NCAM2: variants seen among roughly 807,000 people sequenced by gnomAD.
NCAM2 encodes the protein N-CAM-2.
In NCAM2, 30 loss-of-function variants were observed where a neutral mutation model predicts 98.1. The observed-to-expected ratio is 0.31, with a 90% CI of 0.23 to 0.41. The LOEUF (loss-of-function observed/expected upper bound fraction) is 0.41. NCAM2 is among the 10% of genes least tolerant of loss of function. The probability of loss-of-function intolerance (pLI) is 1.00; values close to 1 mark genes in which losing one functional copy is unlikely to be tolerated. For synonymous variants in NCAM2, 368 were observed against 342.4 expected (o/e 1.07, Z -0.83); for missense variants, 867 against 1,005.8 (o/e 0.86, Z 1.87).
chr21:21,241,215 A>T (rs1170469129), intron 1 of NCAM2, among the ~76,000 whole-genome samples: 2 of 152,150 alleles, frequency 1.3e-5, no homozygotes, highest in Non-Finnish European at 2.9e-5. Flanking sequence ...AACAATGACA[A>T]CAAAAAAATG....
chr21:21,114,831 T>C (rs78300159), intron 1 of NCAM2, among the ~76,000 whole-genome samples: 1 of 150,104 alleles, frequency 6.7e-6, no homozygotes, highest in East Asian at 2.0e-4. Context: ...TCTGACTTTT[T>C]TTTTTTTTTT....
chr21:21,330,049 TC>T lies in NCAM2; in HGVS notation c.738-5454del, dbSNP rs1451101243. 2.6e-5 allele frequency among the ~76,000 whole-genome samples: 4 copies of T among 152,166 alleles called. No homozygotes were observed. In the East Asian group the frequency reaches 5.8e-4, roughly 22 times the overall value. On this transcript the variant is annotated intron_variant, in intron 6 of 17. Transcript: ENST00000400546. ...GTTATTTGTTCTACTGTCTTTTTTA[TC>T]CTGATTATTCTAGATGTAGGTCTAT...
chr21:21,192,278 A>C (rs115733707), intron 1 of NCAM2, among the ~76,000 whole-genome samples: 1,803 of 152,034 alleles, frequency 0.012, 42 homozygotes, highest in African/African-American at 0.04. Context: ...AGAGGAGAAG[A>C]AGCAAATGAG....
chr21:21,459,651 A>T (rs1176072781), intron 12 of NCAM2, among the ~76,000 whole-genome samples: 1 of 151,300 alleles, frequency 6.6e-6, no homozygotes. Context: ...TTGCTGCATG[A>T]TCTCACTTAT....
chr21:21,352,824 A>G (rs1229565093), intron 8 of NCAM2, among the ~76,000 whole-genome samples: 1 of 133,652 alleles, frequency 7.5e-6, no homozygotes, highest in Non-Finnish European at 1.7e-5. Flanking sequence ...AGATTAGAAA[A>G]TTAAAAAAAA....
intron 1 of NCAM2, among the ~76,000 whole-genome samples, chr21:21,174,105 A>ATACGAGGT (rs778739064): frequency 2.4e-4 from 37 of 152,052 alleles, no homozygotes; most frequent in Non-Finnish European, 3.8e-4. Flanking sequence ...ATTTTAGTAG[A>ATACGAGGT]TACGAGGTTT....
intron 1 of NCAM2, among the ~76,000 whole-genome samples, chr21:21,248,250 A>C (rs1033238607): frequency 3.3e-5 from 5 of 152,092 alleles, no homozygotes; most frequent in African/African-American, 7.2e-5. Flanking sequence ...AAAAAAAAAC[A>C]TACAGTTATA....
intron 14 of NCAM2, among the ~76,000 whole-genome samples, chr21:21,470,078 T>C (rs1479674756): frequency 6.6e-6 from 1 of 152,054 alleles, no homozygotes; most frequent in African/African-American, 2.4e-5. Flanking sequence ...CACAGTGGAC[T>C]CTAAAATGCA....
chr21:21,040,629 C>T (rs565514391), intron 1 of NCAM2, among the ~76,000 whole-genome samples: 49 of 151,946 alleles, frequency 3.2e-4, no homozygotes, highest in African/African-American at 1.1e-3. Context: ...TTGTCATTCA[C>T]AGCAACATGA....
intron 9 of NCAM2, among the ~76,000 whole-genome samples, chr21:21,387,841 A>G (rs887063019): frequency 2.6e-5 from 4 of 152,214 alleles, no homozygotes; most frequent in Admixed American, 6.5e-5. Flanking sequence ...ATGACTTTAA[A>G]AAATAAAGTA....
intron 1 of NCAM2, among the ~76,000 whole-genome samples, chr21:21,209,657 T>C (rs2069571993): frequency 6.6e-6 from 1 of 151,940 alleles, no homozygotes; most frequent in African/African-American, 2.4e-5. Context: ...TGTTATAAAA[T>C]GCTATTCTTT....
At chr21:21,054,442 A>G (rs373998580) in intron 1 of NCAM2, among the ~76,000 whole-genome samples, 2 of 152,040 alleles carry the variant, frequency 1.3e-5, no homozygotes, top group East Asian at 1.9e-4. Flanking sequence ...TAGTACATGA[A>G]GATATACTCC....
At chr21:21,147,926 A>G (rs2067334863) in intron 1 of NCAM2, among the ~76,000 whole-genome samples, 1 of 151,880 alleles carries the variant, frequency 6.6e-6, no homozygotes, top group African/African-American at 2.4e-5. Context: ...TATAGGATAT[A>G]TATAAAGTGA....
At chr21:21,422,712 A>G (rs1050669839) in intron 11 of NCAM2, among the ~76,000 whole-genome samples, 5 of 152,202 alleles carry the variant, frequency 3.3e-5, no homozygotes, top group Non-Finnish European at 7.3e-5. Context: ...AATATTAACT[A>G]GAAATATAAG....
intron 15 of NCAM2, among the ~76,000 whole-genome samples, chr21:21,490,479 T>C (rs2146306046): frequency 6.6e-6 from 1 of 152,084 alleles, no homozygotes; most frequent in African/African-American, 2.4e-5. Context: ...TTAGTCTTTA[T>C]CATTTCATTT....
intron 1 of NCAM2, among the ~76,000 whole-genome samples, chr21:21,198,427 TA>T (rs918524187): frequency 1.3e-5 from 2 of 152,100 alleles, no homozygotes; most frequent in Non-Finnish European, 2.9e-5. Context: ...GAAAATGATA[TA>T]AAAAATGCAC....
rs1241140620 is a variant in NCAM2, at chr21:21,036,047, CTTTCTT to C, written c.55+37433_55+37438del. Among the ~76,000 whole-genome samples, 4 of 152,166 alleles carry C rather than the reference CTTTCTT, an allele frequency of 2.6e-5. No individual in the cohort carries two copies. In the East Asian group the frequency reaches 7.7e-4, roughly 29 times the overall value. On this transcript the variant is annotated intron_variant, in intron 1 of 17. Transcript: ENST00000400546. ...ACATATGAAATAAGCTTTTTATTCT[CTTTCTT>C]TTTGGAGCATTAAGGGCCCTCGATA...
chr21:21,475,128 A>AT (rs1984998374), intron 14 of NCAM2, among the ~76,000 whole-genome samples: 1 of 152,018 alleles, frequency 6.6e-6, no homozygotes, highest in Admixed American at 6.6e-5. Flanking sequence ...TATGCATCTA[A>AT]GGCTTAAAAT....
chr21:21,331,522 T>TAC lies in NCAM2; in HGVS notation c.738-3982_738-3981insCA, dbSNP rs1568942211. ...ATACTCTATACTCTCTCTCTCTATA[T>TAC]ATATATATATATACTCTATATACAT... is the stretch of plus-strand genomic sequence containing the variant. On this transcript the variant is annotated intron_variant, in intron 6 of 17. Coordinates refer to ENST00000400546, the MANE Select transcript of NCAM2 (RefSeq NM_004540.5). 1.4e-3 allele frequency among the ~76,000 whole-genome samples: 30 copies of TAC among 22,202 alleles called. 2 individuals are homozygous for TAC. Among genetic ancestry groups the TAC allele is most frequent in the Admixed American group, 2.5e-3 (4 of 1,584 alleles). 14.6% of individuals were successfully genotyped at this position (22,202 alleles called of 152,430 possible).
Sources: allele counts gnomAD v4.1 joint callset (sites outside exome capture counted in the v4.1 genomes callset), GRCh38; gene constraint gnomAD v4.1.1; transcripts MANE v1.5; gene names NCBI Gene and HGNC (gene_info 2026-07-23, HGNC 2026-07-21).